PACRG: variants seen among roughly 807,000 people sequenced by gnomAD.
The protein encoded by PACRG is parkin coregulated gene protein.
Under a neutral mutation model 29.7 loss-of-function variants are expected in PACRG, and 29 were observed. The ratio of observed to expected loss-of-function variants is 0.98; its 90% CI spans 0.73 to 1.33. PACRG has a LOEUF of 1.33. Ranked by LOEUF, PACRG falls within the 40% of genes most tolerant of loss-of-function variation. The pLI, the probability that PACRG is intolerant of heterozygous loss-of-function variation, is 0.00. For synonymous variants in PACRG, 116 were observed against 118.7 expected (o/e 0.98, Z 0.15); for missense variants, 279 against 316.2 (o/e 0.88, Z 0.89).
chr6:163,239,099 A>C (rs1209056061), intron 4 of PACRG, among the ~76,000 whole-genome samples: 1 of 152,224 alleles, frequency 6.6e-6, no homozygotes, highest in African/African-American at 2.4e-5. Flanking sequence ...CACCTCGATA[A>C]ATTACTGAAC....
intron 4 of PACRG, among the ~76,000 whole-genome samples, chr6:163,230,772 G>GGAAGAACGCAGGATGGTGGGTAA (rs11275937): frequency 6.6e-6 from 1 of 151,866 alleles, no homozygotes; most frequent in African/African-American, 2.4e-5. Context: ...ACTGCTGTAG[G>GGAAGAACGCAGGATGGTGGGTAA]TGCAGAGTTA....
intron 2 of PACRG, among the ~76,000 whole-genome samples, chr6:162,851,917 A>AAAGAG (rs1473505388): frequency 6.6e-6 from 1 of 151,426 alleles, no homozygotes; most frequent in African/African-American, 2.4e-5. Flanking sequence ...AAAAGAAAGA[A>AAAGAG]AAGAGAAAAG....
intron 2 of PACRG, among the ~76,000 whole-genome samples, chr6:162,947,339 T>TGATC (rs576084429): frequency 0.023 from 436 of 18,592 alleles, 16 homozygotes; most frequent in African/African-American, 0.039. Flanking sequence ...TAATCATATA[T>TGATC]ATAATGATTA....
At position 162,974,300 on chromosome 6, in the gene PACRG, G is replaced by A. The variant is rs568744934; in HGVS notation, c.292-87850G>A. Among the ~76,000 whole-genome samples the A allele has an allele frequency of 3.2e-3, 488 of 152,190 alleles. 1 individual carries two copies. The highest frequency in any genetic ancestry group is 4.2e-3 in the Non-Finnish European group (287 of 68,014). Reference sequence around the variant, plus strand: ...TTTTCATTTTTAAAATTCCAAAAAGGAATATGCTTTTCACGAAAATTCAAG... The same window carrying A: ...TTTTCATTTTTAAAATTCCAAAAAGAAATATGCTTTTCACGAAAATTCAAG... On this transcript the variant is annotated intron_variant, in intron 2 of 4. Transcript: ENST00000366888.
intron 3 of PACRG, among the ~76,000 whole-genome samples, chr6:163,083,864 A>G (rs1237864643): frequency 6.6e-6 from 1 of 152,208 alleles, no homozygotes; most frequent in Non-Finnish European, 1.5e-5. Flanking sequence ...CTGATACCAC[A>G]ATAGTGAATG....
intron 1 of PACRG, among the ~76,000 whole-genome samples, chr6:162,736,341 C>T (rs1428466214): frequency 2.0e-5 from 3 of 151,698 alleles, no homozygotes; most frequent in Non-Finnish European, 1.5e-5. Context: ...TTTCGGTGGT[C>T]CAATTTGATC....
chr6:163,269,397 T>C (rs4470828), intron 4 of PACRG, among the ~76,000 whole-genome samples: 65,273 of 152,042 alleles, frequency 0.43, 14,598 homozygotes, highest in African/African-American at 0.56. Context: ...TGTTTGGAGA[T>C]GATTCTTCTG....
intron 2 of PACRG, among the ~76,000 whole-genome samples, chr6:162,911,600 T>G (rs1796306905): frequency 6.6e-6 from 1 of 152,156 alleles, no homozygotes; most frequent in Non-Finnish European, 1.5e-5. Context: ...CTGGGGCACA[T>G]GCATGACAAT....
intron 4 of PACRG, among the ~76,000 whole-genome samples, chr6:163,169,972 G>A (rs1778994847): frequency 6.6e-6 from 1 of 152,206 alleles, no homozygotes; most frequent in South Asian, 2.1e-4. Context: ...CCCTCCGTCT[G>A]TGTGTTGTTG....
intron 4 of PACRG, among the ~76,000 whole-genome samples, chr6:163,206,708 C>T (rs1780916845): frequency 6.6e-6 from 1 of 150,872 alleles, no homozygotes; most frequent in South Asian, 2.1e-4. Context: ...GAAAGTAAAC[C>T]CCCAAAAAAG....
At chr6:162,837,555 T>A (rs1789339007) in intron 2 of PACRG, among the ~76,000 whole-genome samples, 1 of 152,196 alleles carries the variant, frequency 6.6e-6, no homozygotes, top group African/African-American at 2.4e-5. Context: ...AAAAATCTCA[T>A]AATTTTTAGT....
At chr6:162,775,117 C>G (rs989801194) in intron 1 of PACRG, among the ~76,000 whole-genome samples, 2 of 152,098 alleles carry the variant, frequency 1.3e-5, no homozygotes. Flanking sequence ...AAAAGAGGCC[C>G]CAGAGAATTT....
intron 2 of PACRG, among the ~76,000 whole-genome samples, chr6:162,884,440 G>A (rs1794163009): frequency 6.6e-6 from 1 of 152,146 alleles, no homozygotes. Flanking sequence ...GCACACAAGT[G>A]TAAATGATAG....
chr6:163,015,610 A>C (rs1806020223), intron 2 of PACRG, among the ~76,000 whole-genome samples: 1 of 152,046 alleles, frequency 6.6e-6, no homozygotes, highest in African/African-American at 2.4e-5. Flanking sequence ...GTATGTGGCT[A>C]TTGTAAATGG....
At chr6:162,770,149 T>A (rs1310981544) in intron 1 of PACRG, among the ~76,000 whole-genome samples, 5 of 152,194 alleles carry the variant, frequency 3.3e-5, no homozygotes, top group Non-Finnish European at 7.4e-5. Flanking sequence ...CTTTTTAAAC[T>A]TGAATTCCAC....
intron 4 of PACRG, among the ~76,000 whole-genome samples, chr6:163,244,017 C>G (rs1782601651): frequency 6.6e-6 from 1 of 152,204 alleles, no homozygotes; most frequent in Admixed American, 6.5e-5. Flanking sequence ...CATTTGTAGT[C>G]TTTAATTTGA....
chr6:162,877,953 T>A (rs1351301180), intron 2 of PACRG, among the ~76,000 whole-genome samples: 1 of 152,200 alleles, frequency 6.6e-6, no homozygotes, highest in Non-Finnish European at 1.5e-5. Context: ...CTAAGTTGAG[T>A]GCTATGAATT....
At chr6:162,771,165 G>A (rs543115871) in intron 1 of PACRG, among the ~76,000 whole-genome samples, 2 of 152,168 alleles carry the variant, frequency 1.3e-5, no homozygotes, top group East Asian at 3.9e-4. Context: ...GTTACTTTAT[G>A]ATGAAATAAC....
intron 1 of PACRG, among the ~76,000 whole-genome samples, chr6:162,782,332 TAGTA>T (rs1324842548): frequency 1.3e-5 from 2 of 151,868 alleles, no homozygotes; most frequent in African/African-American, 4.8e-5. Context: ...GATAGAAACT[TAGTA>T]AGGATGTAGG....
Sources: gnomAD v4.1 joint callset for allele counts (sites outside exome capture counted in the v4.1 genomes callset) on GRCh38, gnomAD v4.1.1 for gene constraint, MANE v1.5 for transcripts, NCBI Gene and HGNC (gene_info 2026-07-23, HGNC 2026-07-21) for gene names.